ARHGAP17: variants seen among roughly 807,000 people sequenced by gnomAD.
ARHGAP17 encodes the protein Rho GTPase activating protein 17.
ARHGAP17 carries 57 observed loss-of-function variants against 99.5 expected under a neutral mutation model. The observed-to-expected ratio is 0.57, with a 90% CI of 0.46 to 0.71. The LOEUF (loss-of-function observed/expected upper bound fraction) is 0.71. ARHGAP17 is among the 30% of genes least tolerant of loss of function. The probability of loss-of-function intolerance (pLI) is 0.00; values close to 1 mark genes in which losing one functional copy is unlikely to be tolerated. For synonymous variants in ARHGAP17, 417 were observed against 429.6 expected (o/e 0.97, Z 0.36); for missense variants, 1,000 against 1,122.4 (o/e 0.89, Z 1.56).
intron 1 of ARHGAP17, among the ~76,000 whole-genome samples, chr16:24,998,934 C>A (rs980083375): frequency 6.6e-6 from 1 of 152,122 alleles, no homozygotes; most frequent in Admixed American, 6.6e-5. Context: ...GGAGGAGAGA[C>A]CGCGGGCAGA....
chr16:24,977,535 G>A, intron 2 of ARHGAP17: 1 of 370,196 alleles, frequency 2.7e-6, no homozygotes, highest in Non-Finnish European at 4.8e-6. Context: ...AATGATCCGG[G>A]CCCAGACCCA....
intron 18 of ARHGAP17, among the ~76,000 whole-genome samples, chr16:24,932,497 G>A (rs1339714374): frequency 6.6e-6 from 1 of 151,962 alleles, no homozygotes; most frequent in Non-Finnish European, 1.5e-5. Flanking sequence ...GGACCACCAA[G>A]CATGACTAGT....
In ARHGAP17 at chr16:24,931,057, C is replaced by G. The variant is rs2050973044; in HGVS notation, c.2242G>C (p.Glu748Gln). The change falls in exon 19 of 20, where the codon GAG becomes CAG. Residue 748 changes from glutamate to glutamine, a missense_variant. Coordinates refer to ENST00000289968, the MANE Select transcript of ARHGAP17 (RefSeq NM_001006634.3). ...TGGGGAGGGGTGTGAGATGGCTGCTCAAGTCCATGCTCACTGGGCAATGCC... is the reference window on the plus strand; with the variant it reads ...TGGGGAGGGGTGTGAGATGGCTGCTGAAGTCCATGCTCACTGGGCAATGCC... The part of the protein sequence containing the change: ...PMALPSEHGL[E>Q]QPSHTPPQTP... The G allele has an allele frequency of 6.2e-7, 1 of 1,606,520 alleles. No homozygotes were observed. The highest frequency in any genetic ancestry group is 8.5e-7 in the Non-Finnish European group (1 of 1,176,272).
chr16:24,978,308 T>G (rs2141356768), intron 2 of ARHGAP17, among the ~76,000 whole-genome samples: 2 of 152,346 alleles, frequency 1.3e-5, no homozygotes, highest in East Asian at 3.9e-4. Context: ...GGACGTTATC[T>G]TTCACAGAAA....
At chr16:24,943,389 T>C (rs1370591999) in intron 15 of ARHGAP17, among the ~76,000 whole-genome samples, 1 of 152,198 alleles carries the variant, frequency 6.6e-6, no homozygotes, top group African/African-American at 2.4e-5. Context: ...TTCCCAGCAC[T>C]TGAGTTTGTC....
intron 1 of ARHGAP17, among the ~76,000 whole-genome samples, chr16:24,996,916 A>G (rs1180336913): frequency 1.3e-5 from 2 of 151,744 alleles, no homozygotes; most frequent in East Asian, 3.9e-4. Context: ...GGACAACCAA[A>G]AAAAAAAAAA....
At position 24,939,534 on chromosome 16, in the gene ARHGAP17, G is replaced by A; in HGVS notation, c.1554C>T (p.His518=). 1 of 1,608,690 alleles carries A rather than the reference G, an allele frequency of 6.2e-7. No individual in the cohort carries two copies. Among genetic ancestry groups the A allele is most frequent in the Non-Finnish European group, 8.5e-7 (1 of 1,178,322 alleles). The part of the protein sequence containing the change: ...HRRGGTLNRK[H]ISPAFQPPLP... ...GTGGCGGCTGGAAAGCGGGGGATATGTGCTTTCTATTTAGAGTGCCACCCC... is the reference window on the plus strand; with the variant it reads ...GTGGCGGCTGGAAAGCGGGGGATATATGCTTTCTATTTAGAGTGCCACCCC... The change falls in exon 17 of 20, where the codon CAC becomes CAT. Residue 518 remains histidine, a synonymous_variant. Transcript: ENST00000289968.
At chr16:24,938,887 T>A (rs1378711615) in intron 17 of ARHGAP17, among the ~76,000 whole-genome samples, 2 of 152,072 alleles carry the variant, frequency 1.3e-5, no homozygotes, top group Non-Finnish European at 2.9e-5. Flanking sequence ...GGAGTCTTAG[T>A]CACCTCATGT....
rs1416123381 is a variant in ARHGAP17 at position 24,930,785 on chromosome 16, T to C, written c.2514A>G (p.Thr838=). The C allele has an allele frequency of 7.4e-6, 12 of 1,614,186 alleles. No individual in the cohort carries two copies. Among genetic ancestry groups the C allele is most frequent in the Non-Finnish European group, 1.0e-5 (12 of 1,180,026 alleles). The change falls in exon 19 of 20, where the codon ACA becomes ACG. Residue 838 remains threonine (T), a splice_region_variant and synonymous_variant. Transcript: ENST00000289968. ...NTAPTASKIV[T]DSNSRVSEPH... Reference sequence around the variant, plus strand: ...TACGGGCATTGATGTCCTACTTACCTGTTACTATCTTGGAAGCTGTTGGTG... The same window carrying C: ...TACGGGCATTGATGTCCTACTTACCCGTTACTATCTTGGAAGCTGTTGGTG...
At position 24,999,209 on chromosome 16, in the gene ARHGAP17, A is replaced by C. The variant is rs538718970; in HGVS notation, c.53+16000T>G. ...CCTGGTCATCGGTATTTCATCTGAGAAGTTTCTGTCTGTGATATCTGCTCA... is the reference window on the plus strand; with the variant it reads ...CCTGGTCATCGGTATTTCATCTGAGCAGTTTCTGTCTGTGATATCTGCTCA... On this transcript the variant is annotated intron_variant, in intron 1 of 19. Coordinates refer to ENST00000289968, the MANE Select transcript of ARHGAP17 (RefSeq NM_001006634.3). Among the ~76,000 whole-genome samples the C allele has an allele frequency of 2.6e-5, 4 of 152,312 alleles. No individual in the cohort carries two copies. The South Asian group carries it at 8.3e-4, about 32-fold the overall frequency.
chr16:24,974,520 G>A (rs1407673026), intron 3 of ARHGAP17, among the ~76,000 whole-genome samples: 6 of 152,106 alleles, frequency 3.9e-5, no homozygotes, highest in Non-Finnish European at 7.4e-5. Context: ...TGACCGAACT[G>A]TCTCTACACA....
At chr16:25,012,121 G>C (rs964343282) in intron 1 of ARHGAP17, among the ~76,000 whole-genome samples, 1 of 152,128 alleles carries the variant, frequency 6.6e-6, no homozygotes, top group African/African-American at 2.4e-5. Flanking sequence ...ACACAGTGTA[G>C]GCTCAACAAG....
intron 7 of ARHGAP17, among the ~76,000 whole-genome samples, chr16:24,963,488 A>G (rs1403998305): frequency 6.6e-6 from 1 of 152,206 alleles, no homozygotes; most frequent in East Asian, 1.9e-4. Context: ...ACAATGAAAA[A>G]TAAGAGCAGG....
intron 3 of ARHGAP17, among the ~76,000 whole-genome samples, chr16:24,971,080 G>A (rs943564396): frequency 6.6e-6 from 1 of 152,084 alleles, no homozygotes; most frequent in Admixed American, 6.6e-5. Context: ...ATGTTGACCA[G>A]GCTAATCTCA....
At chr16:24,959,566 G>T in intron 9 of ARHGAP17, 105 bp downstream of exon 9, 1 of 1,073,750 alleles carries the variant, frequency 9.3e-7, no homozygotes, top group Non-Finnish European at 1.4e-6. Flanking sequence ...AGGCAGAGAA[G>T]CTTTATCCCA....
chr16:25,004,399 T>G (rs2053452174), intron 1 of ARHGAP17, among the ~76,000 whole-genome samples: 1 of 152,172 alleles, frequency 6.6e-6, no homozygotes, highest in Admixed American at 6.5e-5. Flanking sequence ...CTGTATCTGG[T>G]GAAGTAGAAA....
intron 13 of ARHGAP17, 55 bp downstream of exon 13, chr16:24,949,349 G>C: frequency 7.1e-7 from 1 of 1,401,336 alleles, no homozygotes; most frequent in South Asian, 1.2e-5. Context: ...TGACTTCTCT[G>C]CTGGGCATTA....
Position 24,996,039 on chromosome 16 carries a change from G to C in ARHGAP17, c.54-17034C>G, listed in dbSNP as rs552585192. 5.3e-5 allele frequency among the ~76,000 whole-genome samples: 8 copies of C among 152,086 alleles called. No homozygotes were observed. The South Asian group carries it at 6.2e-4, about 12-fold the overall frequency. On this transcript the variant is annotated intron_variant, in intron 1 of 19. Transcript: ENST00000289968. ...CACCTACTTCTTCATAAGTACACCA[G>C]GGATTTCAGCACAATGGTTTTTAAC...
intron 17 of ARHGAP17, chr16:24,936,877 G>C (rs1300844396): frequency 6.6e-6 from 1 of 152,014 alleles, no homozygotes. Flanking sequence ...CCAGCACTTT[G>C]GGAGGTTAGG....
Sources: allele counts gnomAD v4.1 joint callset (sites outside exome capture counted in the v4.1 genomes callset), GRCh38; gene constraint gnomAD v4.1.1; transcripts MANE v1.5; gene names NCBI Gene and HGNC (gene_info 2026-07-23, HGNC 2026-07-21).